Variants in ADGRV1 observed in about 807,000 individuals in gnomAD.
The protein encoded by ADGRV1 is G-protein coupled receptor 98.
A neutral mutation model predicts 596.2 loss-of-function variants in ADGRV1; 359 were observed. That is an observed-to-expected ratio of 0.60 (90% CI 0.55 to 0.66). The LOEUF is 0.66. ADGRV1 is among the 30% of genes least tolerant of loss of function. The probability of loss-of-function intolerance (pLI) is 0.00; values close to 1 mark genes in which losing one functional copy is unlikely to be tolerated. For missense variants in ADGRV1, 7,274 were observed against 7,575.6 expected (o/e 0.96, Z 1.48); for synonymous variants, 2,681 against 2,679.2 (o/e 1.00, Z -0.02).
chr5:90,734,137 A>G (rs1752913375), intron 50 of ADGRV1, among the ~76,000 whole-genome samples: 1 of 152,326 alleles, frequency 6.6e-6, no homozygotes, highest in South Asian at 2.1e-4. Context: ...CATCGCGTAT[A>G]TATACCACAT....
At chr5:91,007,810 G>T (rs915304726) in intron 85 of ADGRV1, among the ~76,000 whole-genome samples, 1 of 152,122 alleles carries the variant, frequency 6.6e-6, no homozygotes, top group Non-Finnish European at 1.5e-5. Flanking sequence ...TTACCCATTC[G>T]TTCTTTGCCA....
At chr5:91,004,495 G>T (rs2151118846) in intron 85 of ADGRV1, among the ~76,000 whole-genome samples, 1 of 152,034 alleles carries the variant, frequency 6.6e-6, no homozygotes, top group Middle Eastern at 3.4e-3. Context: ...CTTAGGGAAA[G>T]AAAGTGGTGA....
chr5:90,713,339 C>A (rs189237988), intron 42 of ADGRV1, among the ~76,000 whole-genome samples: 2 of 138,316 alleles, frequency 1.4e-5, no homozygotes, highest in African/African-American at 3.1e-5. Context: ...TCCCCAGAAG[C>A]CTTTTTTTTT....
intron 83 of ADGRV1, among the ~76,000 whole-genome samples, chr5:90,873,751 C>T (rs1461165555): frequency 1.3e-5 from 2 of 151,006 alleles, no homozygotes; most frequent in African/African-American, 2.4e-5. Flanking sequence ...GCTGTGATCA[C>T]GCCACTGCAC....
chr5:90,770,635 G>A (rs1296207471), intron 59 of ADGRV1, among the ~76,000 whole-genome samples: 4 of 152,128 alleles, frequency 2.6e-5, no homozygotes, highest in Non-Finnish European at 5.9e-5. Flanking sequence ...TAACTCAGAA[G>A]TCTCTTTCCT....
In ADGRV1 at chr5:90,712,425, A is replaced by G. The variant is rs759038879; in HGVS notation, c.9181A>G (p.Ile3061Val). 8.0e-5 allele frequency: 127 copies of G among 1,582,780 alleles called. No homozygotes were observed. The highest frequency in any genetic ancestry group is 1.0e-4 in the Non-Finnish European group (117 of 1,161,780). The stretch of plus-strand genomic sequence containing the variant: ...TGGACTAGAGCTAGGGAAAAATACA[A>G]TAGGTAATTAATAATTTCTTATAAA... ...SPGLELGKNT[I>V]ALIIVLANDD... Residue 3061 changes from isoleucine to valine, a missense_variant, in exon 42 of 90, where the codon ATA (isoleucine) becomes GTA (valine). By Grantham distance (29) the Ile-to-Val change is conservative. Around this residue, in one of 5 missense-constraint regions of ADGRV1, gnomAD observed 3,643 missense variants for 3,809.2 expected, o/e 0.96. Transcript: ENST00000405460.
intron 83 of ADGRV1, among the ~76,000 whole-genome samples, chr5:90,927,563 A>G (rs1250782036): frequency 1.3e-5 from 2 of 152,160 alleles, no homozygotes; most frequent in Non-Finnish European, 2.9e-5. Flanking sequence ...AATACAGCAC[A>G]CTGATGGGTC....
intron 86 of ADGRV1, among the ~76,000 whole-genome samples, chr5:91,074,130 CTT>C (rs776869139): frequency 1.3e-4 from 20 of 152,198 alleles, no homozygotes; most frequent in African/African-American, 2.2e-4. Flanking sequence ...TTTTAATACT[CTT>C]TATTTTTTAA....
At chr5:90,821,826 A>G (rs1763550415) in intron 75 of ADGRV1, among the ~76,000 whole-genome samples, 2 of 151,804 alleles carry the variant, frequency 1.3e-5, no homozygotes, top group Non-Finnish European at 1.5e-5. Flanking sequence ...CAAAGCTGTC[A>G]GACAGGGACA....
chr5:90,731,963 T>C (rs1255202980), intron 50 of ADGRV1, among the ~76,000 whole-genome samples: 2 of 152,186 alleles, frequency 1.3e-5, no homozygotes, highest in Non-Finnish European at 2.9e-5. Context: ...CTCTTTAATG[T>C]CTGGTTTAAT....
rs904239282 is a variant in ADGRV1, at chr5:90,694,808, T to C, written c.7945+107T>C. 8 of 1,061,654 alleles carry C rather than the reference T, an allele frequency of 7.5e-6. No homozygotes were observed. The African/African-American group carries it at 1.1e-4, about 15-fold the overall frequency. The allele number at this position is 1,061,654 out of a possible 1,614,324, so 65.8% of individuals were successfully genotyped here. A position where few individuals can be genotyped will look rare whatever the true frequency, so the allele number is the denominator to read the frequency against. ...CTTACTGTGTACATTCTTGTTAATA[T>C]ACAGAAATGTAGTTTGGCTTTAGAA... is the stretch of plus-strand genomic sequence containing the variant. On this transcript the variant is annotated intron_variant, in intron 33 of 89. Coordinates refer to ENST00000405460, the MANE Select transcript of ADGRV1 (RefSeq NM_032119.4).
intron 44 of ADGRV1, 124 bp from the exon 45 acceptor site, chr5:90,720,811 T>C (rs1750815666): frequency 4.5e-6 from 3 of 674,072 alleles, no homozygotes; most frequent in Non-Finnish European, 4.4e-6. Flanking sequence ...TATTTTCTTA[T>C]CATCTCATCT....
rs1462554619 is a variant in ADGRV1 at position 90,763,263 on chromosome 5, G to T, written c.12121-42G>T. 36 of 1,082,536 alleles carry T rather than the reference G, an allele frequency of 3.3e-5. No individual in the cohort carries two copies. Among genetic ancestry groups the T allele is most frequent in the Admixed American group, 8.7e-5 (3 of 34,472 alleles). The allele number at this position is 1,082,536 out of a possible 1,614,324, so 67.1% of individuals were successfully genotyped here. ...TCTACTTGTTTATCCTGCTCTTTTTGTTTTTTTTTTTGTTTGGCCTTACTG... is the reference window on the plus strand; with the variant it reads ...TCTACTTGTTTATCCTGCTCTTTTTTTTTTTTTTTTTGTTTGGCCTTACTG... On this transcript the variant is annotated intron_variant, in intron 58 of 89. Transcript: ENST00000405460.
chr5:91,072,423 T>G, intron 85 of ADGRV1, 24 bp from the exon 86 acceptor site: 2 of 1,603,712 alleles, frequency 1.2e-6, no homozygotes, highest in Non-Finnish European at 8.5e-7. Context: ...GTGTCTGAGT[T>G]ACTTCTTCTC....
At chr5:90,899,257 G>C (rs1771610444) in intron 83 of ADGRV1, 1 of 152,148 alleles carries the variant, frequency 6.6e-6, no homozygotes, top group African/African-American at 2.4e-5. Context: ...ATATCAGATA[G>C]CAAACTTGCT....
At position 90,692,632 on chromosome 5, in the gene ADGRV1, T is replaced by G; in HGVS notation, c.6979T>G (p.Ser2327Ala). 9 of 1,610,864 alleles carry G rather than the reference T, an allele frequency of 5.6e-6. No homozygotes were observed. The highest frequency in any genetic ancestry group is 7.6e-6 in the Non-Finnish European group (9 of 1,178,600). Residue 2327 changes from serine to alanine, a missense_variant, in exon 32 of 90, where the codon TCT (serine) becomes GCT (alanine). By Grantham distance (99) the Ser-to-Ala change is moderately conservative (BLOSUM62 1). This residue lies in a region of ADGRV1 where 3,643 missense variants were observed against 3,809.2 expected (regional missense o/e 0.96). Coordinates refer to ENST00000405460, the MANE Select transcript of ADGRV1 (RefSeq NM_032119.4). ...TATCCAAGTGCAACTAACTGATGCC[T>G]CTGGTGGAGGTACTATTGGGTTAGA... is the stretch of plus-strand genomic sequence containing the variant. ...EVIQVQLTDA[S>A]GGGTIGLDRI... is the part of the protein sequence containing the mutation.
intron 54 of ADGRV1, among the ~76,000 whole-genome samples, chr5:90,754,750 GGGGATTAGAACT>G (rs1457289527): frequency 2.6e-5 from 4 of 152,274 alleles, no homozygotes; most frequent in East Asian, 3.9e-4. Flanking sequence ...ATCAGAAGTG[GGGGATTAGAACT>G]GGGATATAAT....
intron 59 of ADGRV1, among the ~76,000 whole-genome samples, chr5:90,773,389 C>T (rs905963697): frequency 2.0e-5 from 3 of 151,238 alleles, no homozygotes; most frequent in East Asian, 3.9e-4. Flanking sequence ...TGCTGTTGAC[C>T]GAAGTAGGAC....
At chr5:90,913,909 G>A (rs913427111) in intron 83 of ADGRV1, among the ~76,000 whole-genome samples, 23 of 152,178 alleles carry the variant, frequency 1.5e-4, no homozygotes, top group African/African-American at 9.6e-5. Context: ...AAATCTTTGC[G>A]GGTGAATATT....
Sources: allele counts gnomAD v4.1 joint callset (sites outside exome capture counted in the v4.1 genomes callset), GRCh38; gene constraint gnomAD v4.1.1; regional missense constraint gnomAD v4.1.1; transcripts MANE v1.5; gene names NCBI Gene and HGNC (gene_info 2026-07-23, HGNC 2026-07-21).